The following CSMD1 variants were observed in gnomAD, a reference collection of about 807,000 sequenced individuals.
The protein encoded by CSMD1 is CUB and sushi domain-containing protein 1.
In CSMD1, 213 loss-of-function variants were observed where a neutral mutation model predicts 417.5. The observed-to-expected ratio is 0.51, with a 90% confidence interval of 0.46 to 0.57. CSMD1 has a LOEUF of 0.57. Ranked by LOEUF, CSMD1 falls within the 20% of genes least tolerant of loss-of-function variation. The pLI is 0.00. For synonymous variants in CSMD1, 2,862 were observed against 1,736.8 expected, an observed-to-expected ratio of 1.65 and a Z score of -16.11; for missense variants, 6,923 against 4,529.7, an observed-to-expected ratio of 1.53 and a Z score of -15.17.
intron 10 of CSMD1, among the ~76,000 whole-genome samples, chr8:3,529,902 C>T (rs562728515): frequency 1.3e-5 from 2 of 152,136 alleles, no homozygotes; most frequent in East Asian, 1.9e-4. Flanking sequence ...TATGGAAAGC[C>T]GAGGCCTTTC....
At chr8:3,080,534 A>C (rs1460587037) in intron 49 of CSMD1, among the ~76,000 whole-genome samples, 1 of 152,150 alleles carries the variant, frequency 6.6e-6, no homozygotes, top group Non-Finnish European at 1.5e-5. Context: ...TGGTAGCGAA[A>C]CTTTTATTTG....
intron 7 of CSMD1, among the ~76,000 whole-genome samples, chr8:3,700,873 G>A (rs936731016): frequency 6.6e-6 from 1 of 152,176 alleles, no homozygotes; most frequent in African/African-American, 2.4e-5. Context: ...TGAGGGTCTG[G>A]AGAAGAGGAA....
intron 3 of CSMD1, among the ~76,000 whole-genome samples, chr8:4,224,902 G>C (rs866823800): frequency 7.0e-5 from 1 of 14,290 alleles, no homozygotes; most frequent in South Asian, 2.2e-3. Flanking sequence ...TTGAGGTCAG[G>C]AGTCCAAAGG....
intron 50 of CSMD1, among the ~76,000 whole-genome samples, chr8:3,048,675 A>G (rs967856479): frequency 1.3e-5 from 2 of 152,164 alleles, no homozygotes; most frequent in Non-Finnish European, 2.9e-5. Flanking sequence ...TGGGTTTGGT[A>G]ATGACTTTGT....
chr8:4,793,745 T>C (rs1253825409), intron 1 of CSMD1, among the ~76,000 whole-genome samples: 1 of 151,402 alleles, frequency 6.6e-6, no homozygotes, highest in Non-Finnish European at 1.5e-5. Flanking sequence ...TTCATTGGGA[T>C]GTGGACATTC....
chr8:4,703,353 G>A (rs554663614), intron 1 of CSMD1, among the ~76,000 whole-genome samples: 149 of 152,144 alleles, frequency 9.8e-4, no homozygotes, highest in Non-Finnish European at 5.7e-4. Flanking sequence ...TTTCTGCAAA[G>A]ATCTCCCTTT....
intron 3 of CSMD1, among the ~76,000 whole-genome samples, chr8:4,130,607 C>G (rs931374961): frequency 2.8e-4 from 42 of 152,188 alleles, no homozygotes; most frequent in African/African-American, 9.4e-4. Flanking sequence ...GTATTACGCT[C>G]TTGTCTTCTA....
chr8:3,174,977 C>G (rs1032552146), intron 37 of CSMD1, among the ~76,000 whole-genome samples: 9 of 151,854 alleles, frequency 5.9e-5, no homozygotes, highest in African/African-American at 2.2e-4. Context: ...AGCTAACTAC[C>G]AATTATATAA....
intron 2 of CSMD1, among the ~76,000 whole-genome samples, chr8:4,454,948 G>C (rs886388203): frequency 5.3e-5 from 8 of 152,274 alleles, no homozygotes; most frequent in Non-Finnish European, 1.0e-4. Flanking sequence ...TGACGCTTCT[G>C]TACGTTGTTT....
chr8:4,023,903 C>A (rs972756324), intron 4 of CSMD1, among the ~76,000 whole-genome samples: 3 of 151,522 alleles, frequency 2.0e-5, no homozygotes, highest in Non-Finnish European at 2.9e-5. Flanking sequence ...AGGCGTGAGC[C>A]ACAGCACCCG....
chr8:3,689,829 A>G (rs1489539171), intron 7 of CSMD1, among the ~76,000 whole-genome samples: 1 of 152,224 alleles, frequency 6.6e-6, no homozygotes, highest in Non-Finnish European at 1.5e-5. Flanking sequence ...ATTCCAAACT[A>G]CTGGGCTCAG....
At chr8:4,105,629 G>A (rs1327859478) in intron 3 of CSMD1, among the ~76,000 whole-genome samples, 2 of 152,188 alleles carry the variant, frequency 1.3e-5, no homozygotes, top group Non-Finnish European at 2.9e-5. Context: ...AAAGCAAAGG[G>A]GATTGGAGTA....
intron 3 of CSMD1, among the ~76,000 whole-genome samples, chr8:4,040,284 C>G (rs767127416): frequency 2.6e-5 from 4 of 152,312 alleles, no homozygotes; most frequent in South Asian, 2.1e-4. Flanking sequence ...ACAACACACA[C>G]TATGTGCTAG....
chr8:3,315,967 A>G (rs1216892659), intron 23 of CSMD1, among the ~76,000 whole-genome samples: 1 of 152,198 alleles, frequency 6.6e-6, no homozygotes, highest in Non-Finnish European at 1.5e-5. Context: ...CAAATAGTTA[A>G]TATCAATTCT....
chr8:3,113,683 G>A (rs1027779142), intron 42 of CSMD1, among the ~76,000 whole-genome samples: 2 of 152,108 alleles, frequency 1.3e-5, no homozygotes, highest in South Asian at 4.1e-4. Flanking sequence ...AGTGGGAAGG[G>A]GGTACTTTTG....
At chr8:3,426,524 A>T (rs1813851844) in intron 12 of CSMD1, among the ~76,000 whole-genome samples, 1 of 152,148 alleles carries the variant, frequency 6.6e-6, no homozygotes, top group Non-Finnish European at 1.5e-5. Flanking sequence ...TCCTCCTTCA[A>T]TGTCATCTTA....
At chr8:3,658,210 C>T (rs1798227291) in intron 7 of CSMD1, among the ~76,000 whole-genome samples, 1 of 152,010 alleles carries the variant, frequency 6.6e-6, no homozygotes. Flanking sequence ...TCAAATATGA[C>T]TCTCAATGTA....
intron 7 of CSMD1, among the ~76,000 whole-genome samples, chr8:3,642,175 T>G (rs59478605): frequency 6.6e-6 from 1 of 151,336 alleles, no homozygotes; most frequent in South Asian, 2.1e-4. Flanking sequence ...ATAATATTTA[T>G]ACATAATATA....
At chr8:3,749,789 G>C (rs1288337248) in intron 6 of CSMD1, among the ~76,000 whole-genome samples, 1 of 151,764 alleles carries the variant, frequency 6.6e-6, no homozygotes, top group African/African-American at 2.4e-5. Flanking sequence ...TACATGTAGA[G>C]GTAGTTTCTC....
Sources: allele counts gnomAD v4.1 joint callset (sites outside exome capture counted in the v4.1 genomes callset), GRCh38; gene constraint gnomAD v4.1.1; transcripts MANE v1.5; gene names NCBI Gene and HGNC (gene_info 2026-07-23, HGNC 2026-07-21).